The following SGCZ variants were observed in gnomAD, a reference collection of about 807,000 sequenced individuals.
SGCZ encodes the protein sarcoglycan zeta, also known as zeta-sarcoglycan.
SGCZ carries 40 observed loss-of-function variants against 41.3 expected under a neutral mutation model. The ratio of observed to expected loss-of-function variants is 0.97; its 90% CI spans 0.75 to 1.26. The LOEUF (loss-of-function observed/expected upper bound fraction) is 1.26, where lower values mean the gene tolerates loss of function less well. Ranked by LOEUF, SGCZ falls within the 50% of genes most tolerant of loss-of-function variation. The pLI is 0.00. For synonymous variants in SGCZ, 206 were observed against 137.5 expected (o/e 1.50, Z -3.49); for missense variants, 552 against 369.8 (o/e 1.49, Z -4.04).
At chr8:14,418,077 TGTGAATTCAAG>T (rs535880630) in intron 2 of SGCZ, among the ~76,000 whole-genome samples, 1 of 152,070 alleles carries the variant, frequency 6.6e-6, no homozygotes, top group African/African-American at 2.4e-5. Flanking sequence ...TGCTGGGTGT[TGTGAATTCAAG>T]GTGAATGAGT....
At chr8:15,138,095 C>T (rs377156930) in intron 1 of SGCZ, among the ~76,000 whole-genome samples, 137 of 152,256 alleles carry the variant, frequency 9.0e-4, no homozygotes, top group Middle Eastern at 3.4e-3. Flanking sequence ...CTGTGAGACA[C>T]GGAATCAAAG....
chr8:14,922,063 C>A (rs779301400), intron 1 of SGCZ, among the ~76,000 whole-genome samples: 1 of 152,058 alleles, frequency 6.6e-6, no homozygotes, highest in Non-Finnish European at 1.5e-5. Flanking sequence ...GTTGATGGAA[C>A]TTGAAGCCAA....
At chr8:15,013,629 G>A (rs1802916513) in intron 1 of SGCZ, among the ~76,000 whole-genome samples, 1 of 152,122 alleles carries the variant, frequency 6.6e-6, no homozygotes. Flanking sequence ...AGAACAGACA[G>A]ACCTGGTTTC....
At chr8:14,318,941 A>C (rs905651485) in intron 3 of SGCZ, among the ~76,000 whole-genome samples, 78 of 78,940 alleles carry the variant, frequency 9.9e-4, no homozygotes, top group Non-Finnish European at 1.5e-3. Context: ...ACTATTATAC[A>C]AAAAAAAATA....
At chr8:15,074,004 T>C (rs190144213) in intron 1 of SGCZ, among the ~76,000 whole-genome samples, 1 of 152,136 alleles carries the variant, frequency 6.6e-6, no homozygotes, top group Admixed American at 6.6e-5. Context: ...TAATAGTCCC[T>C]TCCCAAAACT....
chr8:14,673,013 C>G (rs1486788182), intron 1 of SGCZ, among the ~76,000 whole-genome samples: 1 of 152,140 alleles, frequency 6.6e-6, no homozygotes, highest in African/African-American at 2.4e-5. Flanking sequence ...TATAAAAACA[C>G]ACAGCAGGCA....
chr8:15,155,565 G>A (rs10503535), intron 1 of SGCZ, among the ~76,000 whole-genome samples: 32,202 of 151,984 alleles, frequency 0.21, 3,779 homozygotes, highest in East Asian at 0.47. Flanking sequence ...CAGCCAACTG[G>A]AAACGTCATA....
intron 1 of SGCZ, among the ~76,000 whole-genome samples, chr8:14,898,750 T>C (rs545677370): frequency 2.6e-5 from 4 of 152,270 alleles, no homozygotes; most frequent in African/African-American, 2.4e-5. Flanking sequence ...GTTTTCAAGA[T>C]AGAGAATACT....
chr8:14,532,543 G>A (rs1193404163), intron 2 of SGCZ, among the ~76,000 whole-genome samples: 1 of 151,864 alleles, frequency 6.6e-6, no homozygotes, highest in Admixed American at 6.6e-5. Flanking sequence ...AGAGCTAACT[G>A]TTCTTATGCT....
intron 3 of SGCZ, among the ~76,000 whole-genome samples, chr8:14,302,332 C>T (rs951814155): frequency 6.6e-6 from 1 of 152,080 alleles, no homozygotes; most frequent in African/African-American, 2.4e-5. Flanking sequence ...CCAGGTCACC[C>T]TTATATAGGT....
intron 1 of SGCZ, among the ~76,000 whole-genome samples, chr8:15,212,582 C>T (rs1801267840): frequency 6.6e-6 from 1 of 152,008 alleles, no homozygotes; most frequent in South Asian, 2.1e-4. Flanking sequence ...GCCTTGGCTA[C>T]AGCTGGAATA....
chr8:15,200,843 T>G (rs896496589), intron 1 of SGCZ, among the ~76,000 whole-genome samples: 11 of 152,088 alleles, frequency 7.2e-5, no homozygotes, highest in African/African-American at 2.7e-4. Flanking sequence ...TCTGCCTGAG[T>G]TCTAATCCAT....
intron 1 of SGCZ, among the ~76,000 whole-genome samples, chr8:15,218,261 A>T (rs956516873): frequency 1.3e-5 from 2 of 152,204 alleles, no homozygotes; most frequent in Non-Finnish European, 2.9e-5. Flanking sequence ...GAGATGGAAG[A>T]GTTATTTAAA....
chr8:15,054,040 C>G (rs1585515833), intron 1 of SGCZ, among the ~76,000 whole-genome samples: 1 of 152,256 alleles, frequency 6.6e-6, no homozygotes. Context: ...GATGTGCAGA[C>G]AGTAAAGGGA....
intron 3 of SGCZ, among the ~76,000 whole-genome samples, chr8:14,264,718 T>C (rs1799814099): frequency 6.6e-6 from 1 of 152,100 alleles, no homozygotes; most frequent in Admixed American, 6.5e-5. Flanking sequence ...TCCCAGCACT[T>C]TGGGAGTCCG....
chr8:14,112,908 T>TGGA (rs953500774), intron 5 of SGCZ, among the ~76,000 whole-genome samples: 1 of 149,498 alleles, frequency 6.7e-6, no homozygotes, highest in African/African-American at 2.5e-5. Flanking sequence ...GGGGAAAGGA[T>TGGA]GGAGTAACAA....
At chr8:14,425,598 T>C (rs1285200262) in intron 2 of SGCZ, among the ~76,000 whole-genome samples, 1 of 151,666 alleles carries the variant, frequency 6.6e-6, no homozygotes, top group African/African-American at 2.4e-5. Context: ...TCCAGCCTGG[T>C]TGACAGAGGG....
intron 1 of SGCZ, among the ~76,000 whole-genome samples, chr8:14,858,090 C>T (rs1212821715): frequency 6.6e-6 from 1 of 152,102 alleles, no homozygotes; most frequent in Admixed American, 6.6e-5. Flanking sequence ...ACCTTATTAA[C>T]TGATCTCCTT....
intron 1 of SGCZ, among the ~76,000 whole-genome samples, chr8:15,069,150 C>T (rs1805261254): frequency 1.3e-5 from 2 of 152,162 alleles, no homozygotes; most frequent in Middle Eastern, 3.4e-3. Context: ...GATTTTACTC[C>T]AAAATTTATG....
Sources: gnomAD v4.1 joint callset for allele counts (sites outside exome capture counted in the v4.1 genomes callset) on GRCh38, gnomAD v4.1.1 for gene constraint, MANE v1.5 for transcripts, NCBI Gene and HGNC (gene_info 2026-07-23, HGNC 2026-07-21) for gene names.